KHDRBS3: variants seen among roughly 807,000 people sequenced by gnomAD.
KHDRBS3 encodes KH RNA binding domain containing, signal transduction associated 3, also known as KH domain-containing, RNA-binding, signal transduction-associated protein 3.
In KHDRBS3, 23 loss-of-function variants were observed where a neutral mutation model predicts 45.6. The observed-to-expected ratio is 0.50, with a 90% CI of 0.36 to 0.72. The LOEUF (loss-of-function observed/expected upper bound fraction) is 0.72, where lower values mean the gene tolerates loss of function less well. Among genes scored for constraint, KHDRBS3 ranks in the 30% least tolerant of loss-of-function variants. The probability of loss-of-function intolerance (pLI) is 0.00; values close to 1 mark genes in which losing one functional copy is unlikely to be tolerated. For synonymous variants in KHDRBS3, 162 were observed against 156.5 expected, an observed-to-expected ratio of 1.04 and a Z score of -0.26; for missense variants, 352 against 424.8, an observed-to-expected ratio of 0.83 and a Z score of 1.51.
chr8:135,638,726 C>A (rs1830922791), intron 7 of KHDRBS3, among the ~76,000 whole-genome samples: 1 of 152,052 alleles, frequency 6.6e-6, no homozygotes, highest in Admixed American at 6.6e-5. Flanking sequence ...CAGGCAGGCA[C>A]ATCACGAGGT....
intron 6 of KHDRBS3, among the ~76,000 whole-genome samples, chr8:135,594,503 G>A (rs1034498254): frequency 6.6e-6 from 1 of 152,180 alleles, no homozygotes; most frequent in African/African-American, 2.4e-5. Context: ...CTTATCACAT[G>A]AGATTGTTAA....
downstream of KHDRBS3, chr8:135,648,622 T>A (rs1315931597): frequency 6.6e-6 from 1 of 152,188 alleles, no homozygotes; most frequent in Admixed American, 6.5e-5. Flanking sequence ...TTTGTTCCAA[T>A]TATCCTGACC....
At chr8:135,468,973 G>T (rs1821840156) in intron 1 of KHDRBS3, among the ~76,000 whole-genome samples, 1 of 152,196 alleles carries the variant, frequency 6.6e-6, no homozygotes, top group Non-Finnish European at 1.5e-5. Context: ...TTCTTGTCAT[G>T]ATGAAATAGT....
chr8:135,563,545 T>C (rs1336625720), intron 5 of KHDRBS3, among the ~76,000 whole-genome samples: 1 of 152,228 alleles, frequency 6.6e-6, no homozygotes, highest in East Asian at 1.9e-4. Flanking sequence ...TGTCATTGGT[T>C]ATTCCTTATG....
intron 6 of KHDRBS3, among the ~76,000 whole-genome samples, chr8:135,593,581 G>A (rs544358329): frequency 1.2e-4 from 19 of 152,198 alleles, no homozygotes; most frequent in African/African-American, 3.6e-4. Flanking sequence ...GGACTCAAGC[G>A]ATCCTCCTGC....
At chr8:135,491,927 A>T (rs1184407513) in intron 1 of KHDRBS3, among the ~76,000 whole-genome samples, 1 of 121,352 alleles carries the variant, frequency 8.2e-6, no homozygotes, top group Non-Finnish European at 1.8e-5. Context: ...GCCTGGTGCC[A>T]ACTTCTTTTT....
intron 7 of KHDRBS3, among the ~76,000 whole-genome samples, chr8:135,638,675 C>T (rs1347353699): frequency 2.0e-5 from 3 of 152,180 alleles, no homozygotes; most frequent in African/African-American, 4.8e-5. Flanking sequence ...GCTAGCTGGG[C>T]GCCGTGGCTC....
At chr8:135,626,479 T>C (rs1194460410) in intron 7 of KHDRBS3, among the ~76,000 whole-genome samples, 2 of 152,178 alleles carry the variant, frequency 1.3e-5, no homozygotes, top group Admixed American at 6.5e-5. Context: ...CTTCCTGGCA[T>C]GGTGGACTTG....
At chr8:135,564,692 C>G (rs1388925034) in intron 5 of KHDRBS3, among the ~76,000 whole-genome samples, 1 of 152,180 alleles carries the variant, frequency 6.6e-6, no homozygotes, top group Non-Finnish European at 1.5e-5. Flanking sequence ...CCTCAAAGTT[C>G]ACTGCCTCCT....
chr8:135,480,196 C>T (rs990889225), intron 1 of KHDRBS3, among the ~76,000 whole-genome samples: 1 of 152,154 alleles, frequency 6.6e-6, no homozygotes, highest in African/African-American at 2.4e-5. Flanking sequence ...TGAAAACCCA[C>T]AGGTACCATT....
chr8:135,556,597 A>G (rs1826900212), intron 4 of KHDRBS3, among the ~76,000 whole-genome samples: 1 of 152,142 alleles, frequency 6.6e-6, no homozygotes, highest in Admixed American at 6.6e-5. Flanking sequence ...TTCTTCTTGT[A>G]AATTTGTTTA....
intron 7 of KHDRBS3, among the ~76,000 whole-genome samples, chr8:135,609,006 T>C (rs1829591265): frequency 6.6e-6 from 1 of 152,176 alleles, no homozygotes; most frequent in Non-Finnish European, 1.5e-5. Context: ...GGTGAGTCAG[T>C]GAGTGAGTGG....
chr8:135,558,096 A>T (rs1248628599), intron 5 of KHDRBS3, among the ~76,000 whole-genome samples: 1 of 152,318 alleles, frequency 6.6e-6, no homozygotes, highest in Non-Finnish European at 1.5e-5. Flanking sequence ...GTAAACCATC[A>T]GGCTAGTTCA....
At position 135,562,167 on chromosome 8, in the gene KHDRBS3, A is replaced by C. The variant is rs72732363; in HGVS notation, c.611+4580A>C. Among the ~76,000 whole-genome samples, 763 of 152,226 alleles carry C rather than the reference A, an allele frequency of 5.0e-3. 6 individuals carry two copies. Among genetic ancestry groups the C allele is most frequent in the Non-Finnish European group, 8.5e-3 (578 of 68,000 alleles). ...CTCACTCAGTCACTCACCCAGAACA[A>C]CTTCCAGTCTTCCAAGTTCCACTCA... On this transcript the variant is annotated intron_variant, in intron 5 of 8. Transcript: ENST00000355849.
chr8:135,478,353 A>G (rs1039268298), intron 1 of KHDRBS3, among the ~76,000 whole-genome samples: 1 of 152,216 alleles, frequency 6.6e-6, no homozygotes, highest in Admixed American at 6.5e-5. Context: ...GGCTTTAAAT[A>G]ATTATGAACT....
chr8:135,502,127 G>A (rs943550388), intron 1 of KHDRBS3, among the ~76,000 whole-genome samples: 13 of 152,110 alleles, frequency 8.5e-5, no homozygotes, highest in Non-Finnish European at 1.3e-4. Context: ...CAGTCACAGG[G>A]CATTGCCATT....
intron 4 of KHDRBS3, among the ~76,000 whole-genome samples, chr8:135,554,230 A>G (rs1417102541): frequency 6.6e-6 from 1 of 152,164 alleles, no homozygotes; most frequent in East Asian, 1.9e-4. Flanking sequence ...TACTGTTATA[A>G]TCACCTAACC....
At chr8:135,469,511 T>TTTTTC (rs1310953896) in intron 1 of KHDRBS3, among the ~76,000 whole-genome samples, 36 of 22,488 alleles carry the variant, frequency 1.6e-3, no homozygotes, top group African/African-American at 4.2e-3. Context: ...ATGGTGTTTT[T>TTTTTC]TTTTTGTTTT....
intron 2 of KHDRBS3, among the ~76,000 whole-genome samples, chr8:135,535,288 A>T (rs1374240999): frequency 8.0e-6 from 1 of 124,924 alleles, no homozygotes; most frequent in East Asian, 2.3e-4. Context: ...CTATATATAA[A>T]CTATTATATA....
Sources: gnomAD v4.1 joint callset for allele counts (sites outside exome capture counted in the v4.1 genomes callset) on GRCh38, gnomAD v4.1.1 for gene constraint, MANE v1.5 for transcripts, NCBI Gene and HGNC (gene_info 2026-07-23, HGNC 2026-07-21) for gene names.